The following MSRA variants were observed in gnomAD, a reference collection of about 807,000 sequenced individuals.
MSRA encodes mitochondrial peptide methionine sulfoxide reductase.
Under a neutral mutation model 31.3 loss-of-function variants are expected in MSRA, and 54 were observed. The observed-to-expected ratio is 1.73, with a 90% CI of 1.39 to 2.17. MSRA has a LOEUF of 2.17. MSRA is among the 30% of genes most tolerant of loss of function. The probability of loss-of-function intolerance (pLI) is 0.00; values close to 1 mark genes in which losing one functional copy is unlikely to be tolerated. For synonymous variants in MSRA, 169 were observed against 116.5 expected, an observed-to-expected ratio of 1.45 and a Z score of -2.90; for missense variants, 507 against 300.9, an observed-to-expected ratio of 1.69 and a Z score of -5.07.
chr8:10,060,497 CTT>C (rs774132123), intron 1 of MSRA, among the ~76,000 whole-genome samples: 14 of 152,180 alleles, frequency 9.2e-5, no homozygotes, highest in Non-Finnish European at 1.6e-4. Flanking sequence ...AAGACATAGA[CTT>C]TTGATGCTTT....
intron 5 of MSRA, among the ~76,000 whole-genome samples, chr8:10,394,037 G>T (rs1157630754): frequency 6.6e-6 from 1 of 152,202 alleles, no homozygotes; most frequent in Middle Eastern, 3.2e-3. Flanking sequence ...AAGACAACAT[G>T]ACCAGTGTTA....
chr8:10,320,558 C>T (rs1163475062), intron 5 of MSRA, among the ~76,000 whole-genome samples: 1 of 152,158 alleles, frequency 6.6e-6, no homozygotes. Flanking sequence ...AAGTCTTTTT[C>T]CTTCTCTCTT....
intron 1 of MSRA, among the ~76,000 whole-genome samples, chr8:10,102,346 C>G (rs1365030097): frequency 6.6e-6 from 1 of 152,138 alleles, no homozygotes; most frequent in South Asian, 2.1e-4. Flanking sequence ...CTTTACTATT[C>G]AGATTGCATA....
At chr8:10,108,993 A>C (rs1800090958) in intron 1 of MSRA, among the ~76,000 whole-genome samples, 1 of 152,200 alleles carries the variant, frequency 6.6e-6, no homozygotes, top group Non-Finnish European at 1.5e-5. Context: ...CTAGTGCTCC[A>C]TCAGCAGGTG....
chr8:10,104,194 A>T (rs1799722166), intron 1 of MSRA, among the ~76,000 whole-genome samples: 1 of 152,176 alleles, frequency 6.6e-6, no homozygotes, highest in African/African-American at 2.4e-5. Flanking sequence ...TCTCTAGAGG[A>T]GGACTTAGAA....
chr8:10,099,088 C>G (rs764560293), intron 1 of MSRA, among the ~76,000 whole-genome samples: 16 of 151,194 alleles, frequency 1.1e-4, no homozygotes, highest in South Asian at 2.1e-4. Context: ...TCTAGTGGTT[C>G]GTGTGTGTGT....
At chr8:10,282,616 G>T (rs572560415) in intron 3 of MSRA, among the ~76,000 whole-genome samples, 1 of 152,102 alleles carries the variant, frequency 6.6e-6, no homozygotes, top group African/African-American at 2.4e-5. Context: ...TTACCTTCTC[G>T]TCTGTTCTCT....
chr8:10,274,175 C>T (rs1799196792), intron 3 of MSRA, among the ~76,000 whole-genome samples: 1 of 152,314 alleles, frequency 6.6e-6, no homozygotes, highest in East Asian at 1.9e-4. Context: ...GAGTTAATAA[C>T]TGGAACTCCT....
chr8:10,251,867 G>T (rs77857642), intron 3 of MSRA, among the ~76,000 whole-genome samples: 5,760 of 151,844 alleles, frequency 0.038, 177 homozygotes, highest in South Asian at 0.063. Flanking sequence ...ATGGTGGGGG[G>T]GGGGGGACAT....
intron 5 of MSRA, among the ~76,000 whole-genome samples, chr8:10,324,931 T>A (rs547348550): frequency 6.6e-6 from 1 of 152,234 alleles, no homozygotes; most frequent in Non-Finnish European, 1.5e-5. Flanking sequence ...CTCAGGGTAC[T>A]GTGTGCCAGG....
chr8:10,153,881 C>G (rs920199617), intron 1 of MSRA, among the ~76,000 whole-genome samples: 2 of 152,204 alleles, frequency 1.3e-5, no homozygotes, highest in African/African-American at 4.8e-5. Context: ...TAGGATGCCT[C>G]TCTCTCTGAT....
chr8:10,071,122 A>G (rs767101830), intron 1 of MSRA, among the ~76,000 whole-genome samples: 3 of 152,192 alleles, frequency 2.0e-5, no homozygotes, highest in African/African-American at 7.2e-5. Flanking sequence ...CCCACCAGCA[A>G]CATATGAAGG....
In MSRA at chr8:10,297,396, G is replaced by T. The variant is rs145151032; in HGVS notation, c.332-4138G>T. ...TAATGCTGCTGTGAATTGTTAACAA[G>T]CATGTTTGCACGTCACATCTATCAT... On this transcript the variant is annotated intron_variant, in intron 3 of 5. Coordinates refer to ENST00000317173, the MANE Select transcript of MSRA (RefSeq NM_012331.5). 5.3e-5 allele frequency among the ~76,000 whole-genome samples: 8 copies of T among 152,302 alleles called. No homozygotes were observed. In the East Asian group the frequency reaches 1.5e-3, roughly 29 times the overall value.
chr8:10,144,375 G>A (rs1353425925), intron 1 of MSRA, among the ~76,000 whole-genome samples: 2 of 151,304 alleles, frequency 1.3e-5, no homozygotes, highest in East Asian at 3.9e-4. Context: ...CTGAGTTTCA[G>A]TACCTAAAAC....
At chr8:10,286,794 C>T (rs1439343870) in intron 3 of MSRA, among the ~76,000 whole-genome samples, 1 of 152,228 alleles carries the variant, frequency 6.6e-6, no homozygotes, top group Non-Finnish European at 1.5e-5. Context: ...AATTCCTGGC[C>T]TGTCCAGCTG....
intron 1 of MSRA, among the ~76,000 whole-genome samples, chr8:10,204,166 AAC>A (rs1433359291): frequency 6.6e-6 from 1 of 152,170 alleles, no homozygotes; most frequent in East Asian, 1.9e-4. Context: ...ATGTTATTAC[AAC>A]AGTCGAAAAG....
chr8:10,254,099 G>A (rs772727932), intron 3 of MSRA, among the ~76,000 whole-genome samples: 11 of 152,102 alleles, frequency 7.2e-5, no homozygotes, highest in Middle Eastern at 6.8e-3. Context: ...TGCGGGAGAA[G>A]CTTTGCTTAA....
intron 3 of MSRA, among the ~76,000 whole-genome samples, chr8:10,265,160 A>G (rs1179882635): frequency 2.0e-5 from 3 of 152,216 alleles, no homozygotes; most frequent in African/African-American, 4.8e-5. Context: ...AGGCCAGTCC[A>G]TATTCCAGAA....
At chr8:10,346,277 A>C (rs1803769245) in intron 5 of MSRA, among the ~76,000 whole-genome samples, 1 of 152,198 alleles carries the variant, frequency 6.6e-6, no homozygotes, top group African/African-American at 2.4e-5. Flanking sequence ...TAGATTCAGA[A>C]TCAGCTCTCA....
Sources: allele counts gnomAD v4.1 joint callset (sites outside exome capture counted in the v4.1 genomes callset), GRCh38; gene constraint gnomAD v4.1.1; transcripts MANE v1.5; gene names NCBI Gene and HGNC (gene_info 2026-07-23, HGNC 2026-07-21).